The following KLF3 variants were observed in gnomAD, a reference collection of about 807,000 sequenced individuals.
The protein encoded by KLF3 is KLF transcription factor 3.
A neutral mutation model predicts 32.7 loss-of-function variants in KLF3; 6 were observed. That is an observed-to-expected ratio of 0.18 (90% CI 0.10 to 0.36). The LOEUF (loss-of-function observed/expected upper bound fraction) is 0.36, where lower values mean the gene tolerates loss of function less well. Among genes scored for constraint, KLF3 ranks in the 10% least tolerant of loss-of-function variants. The pLI, the probability that KLF3 is intolerant of heterozygous loss-of-function variation, is 1.00. For synonymous variants in KLF3, 145 were observed against 172.8 expected (o/e 0.84, Z 1.26); for missense variants, 338 against 449.7 (o/e 0.75, Z 2.25).
At position 38,688,675 on chromosome 4, in the gene KLF3, C is replaced by G. The variant is rs1482413031; in HGVS notation, c.148C>G (p.Pro50Ala). 2 of 1,614,042 alleles carry G rather than the reference C, an allele frequency of 1.2e-6. No homozygotes were observed. Among genetic ancestry groups the G allele is most frequent in the Admixed American group, 1.7e-5 (1 of 60,004 alleles). ...TPLPEKFFQT[P>A]EGLSHGIQME... ...ATTGCCTGAGAAGTTCTTTCAGACC[C>G]CAGAAGGTCTGTCGCACGGAATACA... The change falls in exon 3 of 6, where the codon CCA (proline) becomes GCA (alanine). Residue 50 changes from proline to alanine, a missense_variant. Transcript: ENST00000261438. This position sits in a 1 kb window ranked among gnomAD's most constrained non-coding sequence, Gnocchi z 4.9.
chr4:38,665,712 A>G (rs1358608920), intron 1 of KLF3, among the ~76,000 whole-genome samples: 2 of 152,236 alleles, frequency 1.3e-5, no homozygotes, highest in South Asian at 2.1e-4. Context: ...GTATTCTGAC[A>G]AGTACCTGAA....
At chr4:38,693,867 T>C (rs1028667682) in intron 4 of KLF3, among the ~76,000 whole-genome samples, 1 of 152,182 alleles carries the variant, frequency 6.6e-6, no homozygotes, top group Non-Finnish European at 1.5e-5. Flanking sequence ...TCCACCACCT[T>C]CTTGCTGAAA....
intron 2 of KLF3, among the ~76,000 whole-genome samples, chr4:38,683,740 A>T (rs1388675828): frequency 6.6e-6 from 1 of 152,236 alleles, no homozygotes; most frequent in Admixed American, 6.5e-5. Flanking sequence ...ACAAACTTTA[A>T]AAGTATTCTT....
intron 4 of KLF3, chr4:38,690,803 ACT>A (rs1281148214): frequency 1.3e-5 from 2 of 151,998 alleles, no homozygotes; most frequent in Non-Finnish European, 2.9e-5. Flanking sequence ...CTCACAATTA[ACT>A]CTACAGCAGA....
At chr4:38,680,897 C>T in intron 2 of KLF3, 2 of 389,894 alleles carry the variant, frequency 5.1e-6, no homozygotes, top group South Asian at 5.0e-5. Context: ...CTAAAAATAC[C>T]AAATTAGCCG....
At chr4:38,668,277 A>G (rs1477777463) in intron 1 of KLF3, among the ~76,000 whole-genome samples, 1 of 151,544 alleles carries the variant, frequency 6.6e-6, no homozygotes. Context: ...TTAAGGAAAT[A>G]TTTGCTTGAA....
chr4:38,697,065 T>C lies in KLF3; in HGVS notation c.857-17T>C, dbSNP rs1723063479. The C allele has an allele frequency of 6.4e-7, 1 of 1,561,256 alleles. No homozygotes were observed. The highest frequency in any genetic ancestry group is 8.7e-7 in the Non-Finnish European group (1 of 1,155,058). On this transcript the variant is annotated splice_polypyrimidine_tract_variant and intron_variant, in intron 5 of 5. Transcript: ENST00000261438. Reference sequence around the variant, plus strand: ...TTACAGAAAAAAAAAATAGCTCTTTTCTTTTTCCTTTTGCAGGAGAAAAAC... The same window carrying C: ...TTACAGAAAAAAAAAATAGCTCTTTCCTTTTTCCTTTTGCAGGAGAAAAAC...
At chr4:38,681,912 T>C (rs1262092842) in intron 2 of KLF3, among the ~76,000 whole-genome samples, 2 of 152,230 alleles carry the variant, frequency 1.3e-5, no homozygotes, top group Non-Finnish European at 2.9e-5. Flanking sequence ...TGGATATTAC[T>C]AAGCCAGTAA....
At chr4:38,692,113 T>C (rs1293313720) in intron 4 of KLF3, among the ~76,000 whole-genome samples, 1 of 152,234 alleles carries the variant, frequency 6.6e-6, no homozygotes, top group Non-Finnish European at 1.5e-5. Flanking sequence ...ACAAAAAGCA[T>C]AAGGATCAGA....
chr4:38,669,260 G>T (rs1165348171), intron 1 of KLF3, among the ~76,000 whole-genome samples: 1 of 152,106 alleles, frequency 6.6e-6, no homozygotes, highest in Admixed American at 6.5e-5. Context: ...TAAAACAATT[G>T]ATATCTAGTT....
intron 1 of KLF3, among the ~76,000 whole-genome samples, chr4:38,668,769 ATTCT>A (rs1016112487): frequency 1.2e-4 from 18 of 152,336 alleles, no homozygotes; most frequent in African/African-American, 2.4e-4. Context: ...CTTTCCCCAA[ATTCT>A]TTCTTCTCTC....
At chr4:38,673,325 G>A (rs2109239810) in intron 1 of KLF3, among the ~76,000 whole-genome samples, 1 of 152,268 alleles carries the variant, frequency 6.6e-6, no homozygotes, top group South Asian at 2.1e-4. Context: ...GGTGGAGTTG[G>A]GTGGGTCTCC....
intron 1 of KLF3, among the ~76,000 whole-genome samples, chr4:38,676,804 T>C (rs1171500065): frequency 6.6e-6 from 1 of 152,190 alleles, no homozygotes; most frequent in African/African-American, 2.4e-5. Context: ...AATCCTATCA[T>C]TCCTTCTTTG....
chr4:38,698,949 A>C lies in KLF3; in HGVS notation c.*1686A>C, dbSNP rs1481731939. The C allele has an allele frequency of 6.6e-5, 10 of 152,342 alleles. No homozygotes were observed. In the East Asian group the frequency reaches 1.3e-3, roughly 21 times the overall value. 9.4% of individuals were successfully genotyped at this position (152,342 alleles called of 1,614,324 possible). A position where few individuals can be genotyped will look rare whatever the true frequency, so the allele number is the denominator to read the frequency against. On this transcript the variant is annotated 3_prime_UTR_variant, in exon 6 of 6. Transcript: ENST00000261438. The stretch of plus-strand genomic sequence containing the variant: ...ACACAACTTTAACTGGGAGGAATAC[A>C]TTGTTTGATCATTTTTAAAACATCT...
chr4:38,669,621 G>A (rs1394889613), intron 1 of KLF3, among the ~76,000 whole-genome samples: 1 of 151,932 alleles, frequency 6.6e-6, no homozygotes, highest in Non-Finnish European at 1.5e-5. Flanking sequence ...GGCCGGGCGC[G>A]GTGGCTCACA....
Position 38,697,174 on chromosome 4 carries a change from A to G in KLF3, c.949A>G (p.Ile317Val). Residue 317 changes from isoleucine to valine, a missense_variant, in exon 6 of 6, where the codon ATC becomes GTC. Transcript: ENST00000261438. The part of the protein sequence containing the change: ...LTRHFRKHTG[I>V]KPFQCPDCDR... ...AAGACATTTCCGAAAACATACTGGA[A>G]TCAAACCTTTCCAGTGCCCGGACTG... is the stretch of plus-strand genomic sequence containing the variant. 1 of 1,614,134 alleles carries G rather than the reference A, an allele frequency of 6.2e-7. No homozygotes were observed. The highest frequency in any genetic ancestry group is 8.5e-7 in the Non-Finnish European group (1 of 1,180,004).
intron 4 of KLF3, among the ~76,000 whole-genome samples, chr4:38,692,388 A>G (rs1308194431): frequency 6.6e-6 from 1 of 152,212 alleles, no homozygotes; most frequent in Non-Finnish European, 1.5e-5. Flanking sequence ...GACACAGCTC[A>G]AGCAGAGATA....
chr4:38,673,836 T>C (rs1156488842), intron 1 of KLF3, among the ~76,000 whole-genome samples: 1 of 152,134 alleles, frequency 6.6e-6, no homozygotes, highest in Non-Finnish European at 1.5e-5. Flanking sequence ...TCTGAAGCCA[T>C]GTCCTGTTTG....
intron 1 of KLF3, among the ~76,000 whole-genome samples, chr4:38,669,192 T>C (rs1190797943): frequency 6.6e-6 from 1 of 152,220 alleles, no homozygotes; most frequent in African/African-American, 2.4e-5. Flanking sequence ...GGATTCTTTC[T>C]GAAGTGCATC....
Sources: allele counts gnomAD v4.1 joint callset (sites outside exome capture counted in the v4.1 genomes callset), GRCh38; gene constraint gnomAD v4.1.1; non-coding constraint Gnocchi (gnomAD v3.1); transcripts MANE v1.5; gene names NCBI Gene and HGNC (gene_info 2026-07-23, HGNC 2026-07-21).